HAPLN3: variants seen among roughly 807,000 people sequenced by gnomAD.
HAPLN3 encodes the protein hyaluronan and proteoglycan link protein 3.
Under a neutral mutation model 28.1 loss-of-function variants are expected in HAPLN3, and 28 were observed. That is an observed-to-expected ratio of 1.00 (90% confidence interval 0.74 to 1.37). The LOEUF is 1.37. HAPLN3 is among the 40% of genes most tolerant of loss of function. The pLI, the probability that HAPLN3 is intolerant of heterozygous loss-of-function variation, is 0.00. For missense variants in HAPLN3, 513 were observed against 504.6 expected (o/e 1.02, Z -0.16); for synonymous variants, 211 against 213.1 (o/e 0.99, Z 0.09).
chr15:88,887,142 G>A, intron 2 of HAPLN3, 33 bp downstream of exon 2: 2 of 1,612,534 alleles, frequency 1.2e-6, no homozygotes, highest in South Asian at 1.1e-5. Context: ...GTCACCCAGG[G>A]GAGCAAAGAG....
Position 88,879,455 on chromosome 15 carries a change from G to A in HAPLN3, c.494-186C>T. On this transcript the variant is annotated intron_variant, in intron 3 of 4. Transcript: ENST00000359595. The surrounding 1 kb of genome is among the most constrained non-coding windows in gnomAD (Gnocchi z 5.0). ...GCCGCCTCTCTCCTGGGACTCAGCTGGTTCACAGCAGTACTCAGAAAACAT... is the reference window on the plus strand; with the variant it reads ...GCCGCCTCTCTCCTGGGACTCAGCTAGTTCACAGCAGTACTCAGAAAACAT... The A allele has an allele frequency of 6.5e-7, 1 of 1,533,708 alleles. No homozygotes were observed. The highest frequency in any genetic ancestry group is 1.2e-5 in the South Asian group (1 of 83,226).
intron 1 of HAPLN3, among the ~76,000 whole-genome samples, chr15:88,890,884 C>CTT (rs58694396): frequency 0.23 from 34,285 of 148,056 alleles, 4,592 homozygotes; most frequent in South Asian, 0.37. Context: ...TTTTTTGCAT[C>CTT]TTTTTTTTTT....
chr15:88,881,506 T>C lies in HAPLN3; in HGVS notation c.344A>G (p.Tyr115Cys). 1.9e-6 allele frequency: 3 copies of C among 1,614,086 alleles called. No individual in the cohort carries two copies. The highest frequency in any genetic ancestry group is 2.5e-6 in the Non-Finnish European group (3 of 1,180,050). The change falls in exon 3 of 5, where the codon TAC becomes TGC. Residue 115 changes from tyrosine (Y) to cysteine (C), a missense_variant. Coordinates refer to ENST00000359595, the MANE Select transcript of HAPLN3 (RefSeq NM_178232.4). The surrounding 1 kb of genome is among the most constrained non-coding windows in gnomAD (Gnocchi z 6.0). ...CTGCCGCAGGTGCACGCGGCCTTGG[T>C]AGTCCCCAAAGGAGCGGTGCCTCAG... ...IGLRHRSFGD[Y>C]QGRVHLRQDK... is the part of the protein sequence containing the mutation.
intron 1 of HAPLN3, among the ~76,000 whole-genome samples, chr15:88,891,172 A>G (rs7166481): frequency 0.53 from 79,862 of 151,962 alleles, 22,095 homozygotes; most frequent in African/African-American, 0.7. Flanking sequence ...GAGCCACTGC[A>G]CCCGGCCTGC....
At chr15:88,893,011 T>C in intron 1 of HAPLN3, 1 of 1,532,154 alleles carries the variant, frequency 6.5e-7, no homozygotes, top group South Asian at 1.2e-5. Flanking sequence ...TCTGGAGTCC[T>C]GTCTGGGCAC....
chr15:88,880,049 C>T lies in HAPLN3; in HGVS notation c.494-780G>A, dbSNP rs571810384. The stretch of plus-strand genomic sequence containing the variant: ...ACCCAGGAACAGCCTGAGCCCCAAA[C>T]CTCCGATCTCACCAGGGCCGGAAGC... On this transcript the variant is annotated intron_variant, in intron 3 of 4. Coordinates refer to ENST00000359595, the MANE Select transcript of HAPLN3 (RefSeq NM_178232.4). The surrounding 1 kb of genome is among the most constrained non-coding windows in gnomAD (Gnocchi z 6.0). 103 of 993,898 alleles carry T rather than the reference C, an allele frequency of 1.0e-4. No homozygotes were observed. In the African/African-American group the frequency reaches 1.6e-3, roughly 16 times the overall value. 61.6% of individuals were successfully genotyped at this position (993,898 alleles called of 1,614,324 possible).
rs1046076243 is a variant in HAPLN3, at chr15:88,878,219, C to T, written c.834G>A (p.Thr278=). The T allele has an allele frequency of 8.1e-6, 13 of 1,613,838 alleles. No homozygotes were observed. The highest frequency in any genetic ancestry group is 5.3e-5 in the African/African-American group (4 of 74,924). Residue 278 remains threonine (T), a synonymous_variant, in exon 5 of 5, where the codon ACG becomes ACA. Coordinates refer to ENST00000359595, the MANE Select transcript of HAPLN3 (RefSeq NM_178232.4). The part of the protein sequence containing the change: ...VYYLEHPEKL[T]LTEAREACQE... The stretch of plus-strand genomic sequence containing the variant: ...GGCAGGCCTCCCTTGCCTCTGTCAG[C>T]GTCAGCTTCTCAGGGTGCTCCAGGT...
rs779912934 is a variant in HAPLN3 at position 88,881,661 on chromosome 15, C to A, written c.189G>T (p.Gly63=). Residue 63 remains glycine (G), a synonymous_variant, in exon 3 of 5, where the codon GGG becomes GGT. Transcript: ENST00000359595. This position sits in a 1 kb window ranked among gnomAD's most constrained non-coding sequence, Gnocchi z 6.0. ...AGCGGCAGGGCAGGATCACACTGGC[C>A]CCTTGGTAGGTGAACAGGGTCTCCT... is the stretch of plus-strand genomic sequence containing the variant. ...TPEETLFTYQ[G]ASVILPCRYR... is the part of the protein sequence containing the mutation. The A allele has an allele frequency of 5.0e-6, 8 of 1,613,690 alleles. No homozygotes were observed. In the East Asian group the frequency reaches 1.3e-4, roughly 27 times the overall value.
intron 2 of HAPLN3, 120 bp downstream of exon 2, chr15:88,887,055 G>A (rs1897877667): frequency 2.7e-6 from 3 of 1,104,640 alleles, no homozygotes; most frequent in South Asian, 2.5e-5. Context: ...CCACTACAAG[G>A]GCCCTGCTGG....
rs902795420 is a variant in HAPLN3 at position 88,879,590 on chromosome 15, C to T, written c.494-321G>A. The T allele has an allele frequency of 2.2e-6, 3 of 1,340,050 alleles. No individual in the cohort carries two copies. In the African/African-American group the frequency reaches 4.4e-5, roughly 20 times the overall value. 83.0% of individuals were successfully genotyped at this position (1,340,050 alleles called of 1,614,324 possible). ...GTGAGGCTGTGCCATCTTCTCCAGA[C>T]AGGCCCGGGCTTTGGGCTCTAGGGG... On this transcript the variant is annotated intron_variant, in intron 3 of 4. Coordinates refer to ENST00000359595, the MANE Select transcript of HAPLN3 (RefSeq NM_178232.4). This position sits in a 1 kb window ranked among gnomAD's most constrained non-coding sequence, Gnocchi z 5.0.
chr15:88,884,730 G>T (rs575127902), intron 2 of HAPLN3, among the ~76,000 whole-genome samples: 22 of 152,236 alleles, frequency 1.4e-4, no homozygotes, highest in South Asian at 4.1e-4. Flanking sequence ...GATGGGGAGG[G>T]TATCCTGAAT....
chr15:88,882,396 T>A (rs1481284724), intron 2 of HAPLN3, among the ~76,000 whole-genome samples: 1 of 152,198 alleles, frequency 6.6e-6, no homozygotes, highest in African/African-American at 2.4e-5. Context: ...CAAGTGGCCC[T>A]GATAGGGATC....
chr15:88,877,970 C>T lies in HAPLN3; in HGVS notation c.1083G>A (p.Ter361=). 3 of 1,594,996 alleles carry T rather than the reference C, an allele frequency of 1.9e-6. No homozygotes were observed. Among genetic ancestry groups the T allele is most frequent in the Non-Finnish European group, 2.6e-6 (3 of 1,169,036 alleles). ...ATGCGGCAGGGGAGGGCCCCAGGTC[C>T]TAGTGCTGGCGGTAGCAGTAAACAC... The part of the protein sequence containing the change: ...LYGVYCYRQH[*] Residue 361 remains the stop codon, a stop_retained_variant, in exon 5 of 5, where the codon TAG becomes TAA. Coordinates refer to ENST00000359595, the MANE Select transcript of HAPLN3 (RefSeq NM_178232.4). This position sits in a 1 kb window ranked among gnomAD's most constrained non-coding sequence, Gnocchi z 5.1.
At chr15:88,887,593 G>GT (rs1225019432) in intron 1 of HAPLN3, among the ~76,000 whole-genome samples, 1 of 149,584 alleles carries the variant, frequency 6.7e-6, no homozygotes, top group Non-Finnish European at 1.5e-5. Context: ...TAAGAAGGAA[G>GT]TATCAGGCAG....
At chr15:88,892,575 C>CACAG (rs929752682) in intron 1 of HAPLN3, among the ~76,000 whole-genome samples, 9 of 152,164 alleles carry the variant, frequency 5.9e-5, no homozygotes, top group African/African-American at 2.2e-4. Context: ...AGGAGCAGCA[C>CACAG]ACAGGCCCAA....
chr15:88,877,895 A>G lies in HAPLN3; in HGVS notation c.*75T>C. On this transcript the variant is annotated 3_prime_UTR_variant, in exon 5 of 5. Transcript: ENST00000359595. This position sits in a 1 kb window ranked among gnomAD's most constrained non-coding sequence, Gnocchi z 5.1. Reference sequence around the variant, plus strand: ...GTATAAAAACAGTTAAAATGGCTCCAACCCACAAGGGAAAACGAACCACTC... The same window carrying G: ...GTATAAAAACAGTTAAAATGGCTCCGACCCACAAGGGAAAACGAACCACTC... 1 of 1,405,900 alleles carries G rather than the reference A, an allele frequency of 7.1e-7. No individual in the cohort carries two copies. The highest frequency in any genetic ancestry group is 9.6e-7 in the Non-Finnish European group (1 of 1,037,182). The allele number at this position is 1,405,900 out of a possible 1,614,324, so 87.1% of individuals were successfully genotyped here. A position where few individuals can be genotyped will look rare whatever the true frequency, so the allele number is the denominator to read the frequency against.
rs761383426 is a variant in HAPLN3 at position 88,887,330 on chromosome 15, G to A, written c.-32C>T. The A allele has an allele frequency of 1.9e-6, 3 of 1,612,616 alleles. No individual in the cohort carries two copies. The highest frequency in any genetic ancestry group is 2.5e-6 in the Non-Finnish European group (3 of 1,179,354). On this transcript the variant is annotated 5_prime_UTR_variant, in exon 2 of 5. Transcript: ENST00000359595. The stretch of plus-strand genomic sequence containing the variant: ...ATGCCAGGGTGACCCGGGCCAGGCT[G>A]GGGCCCCAGGGCAAACTGGGAAGGG...
chr15:88,894,079 T>C (rs947856250), intron 1 of HAPLN3, among the ~76,000 whole-genome samples: 1 of 152,090 alleles, frequency 6.6e-6, no homozygotes, highest in Admixed American at 6.5e-5. Context: ...AAATATGACC[T>C]GTTACTACTC....
At position 88,888,766 on chromosome 15, in the gene HAPLN3, G is replaced by C. The variant is rs1245037379; in HGVS notation, c.-47-1421C>G. ...TACCACGATGGAGGTACAGAAACGG[G>C]AATGTCCAAATGAGACTGAAGATGC... On this transcript the variant is annotated intron_variant, in intron 1 of 4. Coordinates refer to ENST00000359595, the MANE Select transcript of HAPLN3 (RefSeq NM_178232.4). This position sits in a 1 kb window ranked among gnomAD's most constrained non-coding sequence, Gnocchi z 4.1. Among the ~76,000 whole-genome samples, 2 of 152,214 alleles carry C rather than the reference G, an allele frequency of 1.3e-5. No homozygotes were observed. The highest frequency in any genetic ancestry group is 4.8e-5 in the African/African-American group (2 of 41,464).
Sources: gnomAD v4.1 joint callset for allele counts (sites outside exome capture counted in the v4.1 genomes callset) on GRCh38, gnomAD v4.1.1 for gene constraint, Gnocchi (gnomAD v3.1) non-coding constraint, MANE v1.5 for transcripts, NCBI Gene and HGNC (gene_info 2026-07-23, HGNC 2026-07-21) for gene names.